Variants in ELAVL3 observed in about 807,000 individuals in gnomAD.
ELAVL3 encodes ELAV-like protein 3.
Under a neutral mutation model 34.2 loss-of-function variants are expected in ELAVL3, and 8 were observed. That is an observed-to-expected ratio of 0.23 (90% confidence interval 0.14 to 0.42). ELAVL3 has a LOEUF of 0.42. Among genes scored for constraint, ELAVL3 ranks in the 10% least tolerant of loss-of-function variants. The pLI is 1.00. For missense variants in ELAVL3, 273 were observed against 518.8 expected (o/e 0.53, Z 4.60); for synonymous variants, 209 against 222.1 (o/e 0.94, Z 0.53).
intron 6 of ELAVL3, among the ~76,000 whole-genome samples, chr19:11,456,379 C>G (rs1970768508): frequency 6.6e-6 from 1 of 152,212 alleles, no homozygotes; most frequent in Admixed American, 6.5e-5. Flanking sequence ...GCTGGGATTA[C>G]AGGCGTGAGC....
chr19:11,471,952 C>T (rs775975182), intron 1 of ELAVL3, among the ~76,000 whole-genome samples: 3 of 152,220 alleles, frequency 2.0e-5, no homozygotes, highest in Non-Finnish European at 4.4e-5. Flanking sequence ...TGGGATTTGA[C>T]TGACCTTATC....
chr19:11,457,983 C>A (rs140725152), intron 5 of ELAVL3, 78 bp downstream of exon 5: 5 of 1,467,368 alleles, frequency 3.4e-6, no homozygotes, highest in Non-Finnish European at 4.7e-6. Flanking sequence ...TCCCTCCCTT[C>A]GGCAGGAATG....
intron 5 of ELAVL3, 51 bp from the exon 6 acceptor site, chr19:11,457,199 GC>G: frequency 2.0e-6 from 3 of 1,525,088 alleles, no homozygotes; most frequent in Non-Finnish European, 2.6e-6. Flanking sequence ...ACGCCCCCCT[GC>G]TGTGACACCG....
chr19:11,451,487 G>GT lies in ELAVL3; in HGVS notation c.*3038dup, dbSNP rs976179986. On this transcript the variant is annotated 3_prime_UTR_variant, in exon 7 of 7. Transcript: ENST00000359227. Reference sequence around the variant, plus strand: ...GGTTTTTTTTTTTTTTTTGTCTTTTGTTTTGTCTTTTTTTTTTTTTTTTTT... The same window carrying GT: ...GGTTTTTTTTTTTTTTTTGTCTTTTGTTTTTGTCTTTTTTTTTTTTTTTTTT... 5 of 84,504 alleles carry GT rather than the reference G, an allele frequency of 5.9e-5. No individual in the cohort carries two copies. Among genetic ancestry groups the GT allele is most frequent in the Admixed American group, 1.1e-4 (1 of 8,900 alleles). The allele number at this position is 84,504 out of a possible 1,614,324, so 5.2% of individuals were successfully genotyped here. A position where few individuals can be genotyped will look rare whatever the true frequency, so the allele number is the denominator to read the frequency against.
chr19:11,477,333 C>T (rs538835135), intron 1 of ELAVL3, among the ~76,000 whole-genome samples: 128 of 152,164 alleles, frequency 8.4e-4, no homozygotes, highest in African/African-American at 2.7e-3. Flanking sequence ...GCTCTGTTGC[C>T]CAGTCTAGAG....
At chr19:11,478,613 T>C (rs1212665868) in intron 1 of ELAVL3, among the ~76,000 whole-genome samples, 1 of 151,916 alleles carries the variant, frequency 6.6e-6, no homozygotes, top group South Asian at 2.1e-4. Context: ...GACTTTTGGT[T>C]TCTCTCTCCC....
At chr19:11,463,627 A>C (rs1037172490) in intron 3 of ELAVL3, among the ~76,000 whole-genome samples, 32 of 152,038 alleles carry the variant, frequency 2.1e-4, no homozygotes, top group African/African-American at 7.3e-4. Context: ...CTGAGGCCCC[A>C]TCAGGTCACA....
At position 11,466,101 on chromosome 19, in the gene ELAVL3, G is replaced by C; in HGVS notation, c.333+71C>G. The C allele has an allele frequency of 1.4e-6, 2 of 1,388,176 alleles. No homozygotes were observed. The highest frequency in any genetic ancestry group is 2.3e-5 in the South Asian group (2 of 85,396). 86.0% of individuals were successfully genotyped at this position (1,388,176 alleles called of 1,614,324 possible). ...GACATGGATGCATGGGGGCGGGTAG[G>C]TGGCAGTAGGGGGTTGGGGACAGTC... On this transcript the variant is annotated intron_variant, in intron 3 of 6. Coordinates refer to ENST00000359227, the MANE Select transcript of ELAVL3 (RefSeq NM_001420.4). This position sits in a 1 kb window ranked among gnomAD's most constrained non-coding sequence, Gnocchi z 5.0.
In ELAVL3 at chr19:11,480,589, G is replaced by A; in HGVS notation, c.9+11C>T. The A allele has an allele frequency of 1.3e-6, 2 of 1,505,956 alleles. No individual in the cohort carries two copies. The highest frequency in any genetic ancestry group is 1.8e-6 in the Non-Finnish European group (2 of 1,127,984). 93.3% of individuals were successfully genotyped at this position (1,505,956 alleles called of 1,614,324 possible). A position where few individuals can be genotyped will look rare whatever the true frequency, so the allele number is the denominator to read the frequency against. On this transcript the variant is annotated intron_variant, in intron 1 of 6. Coordinates refer to ENST00000359227, the MANE Select transcript of ELAVL3 (RefSeq NM_001420.4). This position sits in a 1 kb window ranked among gnomAD's most constrained non-coding sequence, Gnocchi z 6.8. ...GTCCCGATTCCCTTTCGGCGACAGG[G>A]GAATACCTACAGTGACCATTCTTGT... is the stretch of plus-strand genomic sequence containing the variant.
At chr19:11,465,349 TAC>T (rs562267519) in intron 3 of ELAVL3, among the ~76,000 whole-genome samples, 4 of 121,244 alleles carry the variant, frequency 3.3e-5, no homozygotes, top group Non-Finnish European at 5.1e-5. Context: ...CACACATGCG[TAC>T]ACACACACAT....
rs950219682 is a variant in ELAVL3 at position 11,480,475 on chromosome 19, C to T, written c.9+125G>A. On this transcript the variant is annotated intron_variant, in intron 1 of 6. Coordinates refer to ENST00000359227, the MANE Select transcript of ELAVL3 (RefSeq NM_001420.4). The surrounding 1 kb of genome is among the most constrained non-coding windows in gnomAD (Gnocchi z 6.8). The stretch of plus-strand genomic sequence containing the variant: ...TCTCAGGCCCCGAGGCTTGGTCCTA[C>T]CCCCCCAACCCGGGCCTAGCTAGGC... The T allele has an allele frequency of 8.3e-6, 9 of 1,080,688 alleles. No individual in the cohort carries two copies. Among genetic ancestry groups the T allele is most frequent in the South Asian group, 2.3e-5 (1 of 43,902 alleles). The allele number at this position is 1,080,688 out of a possible 1,614,324, so 66.9% of individuals were successfully genotyped here.
chr19:11,459,712 CTATTTT>C (rs1245652832), intron 3 of ELAVL3, among the ~76,000 whole-genome samples: 4 of 152,108 alleles, frequency 2.6e-5, no homozygotes, highest in African/African-American at 9.7e-5. Flanking sequence ...CATGCCTGGC[CTATTTT>C]TATTTTATTG....
At chr19:11,460,595 A>T (rs1235138681) in intron 3 of ELAVL3, among the ~76,000 whole-genome samples, 2 of 151,446 alleles carry the variant, frequency 1.3e-5, no homozygotes, top group Non-Finnish European at 2.9e-5. Flanking sequence ...TTTCCCAAAC[A>T]CACCAGGCAT....
chr19:11,454,517 G>T lies in ELAVL3; in HGVS notation c.*9C>A. On this transcript the variant is annotated 3_prime_UTR_variant, in exon 7 of 7. Transcript: ENST00000359227. This position sits in a 1 kb window ranked among gnomAD's most constrained non-coding sequence, Gnocchi z 9.2. ...CCGGGGAGGGGGTGGGAGGGCAGGC[G>T]GGGTGGGCTCACGCCTTGTGCTGTT... is the stretch of plus-strand genomic sequence containing the variant. 6.3e-7 allele frequency: 1 copy of T among 1,582,380 alleles called. No individual in the cohort carries two copies. Among genetic ancestry groups the T allele is most frequent in the South Asian group, 1.1e-5 (1 of 87,624 alleles).
At chr19:11,479,446 G>T (rs899897635) in intron 1 of ELAVL3, among the ~76,000 whole-genome samples, 1 of 152,164 alleles carries the variant, frequency 6.6e-6, no homozygotes, top group Non-Finnish European at 1.5e-5. Context: ...ACGCAGAGAC[G>T]GAGAGATAGG....
chr19:11,458,368 C>T lies in ELAVL3; in HGVS notation c.488-82G>A. On this transcript the variant is annotated intron_variant, in intron 4 of 6. Transcript: ENST00000359227. This position sits in a 1 kb window ranked among gnomAD's most constrained non-coding sequence, Gnocchi z 7.3. ...ACTTCTCCCTTCCCTGCTTCATGCC[C>T]TGGCATCTTGGTCGGTTTCCCCACG... is the stretch of plus-strand genomic sequence containing the variant. 3 of 1,606,202 alleles carry T rather than the reference C, an allele frequency of 1.9e-6. No individual in the cohort carries two copies. Among genetic ancestry groups the T allele is most frequent in the Non-Finnish European group, 2.6e-6 (3 of 1,175,540 alleles).
chr19:11,452,764 T>C lies in ELAVL3; in HGVS notation c.*1762A>G, dbSNP rs1237223446. ...GGGGTTTTGCAATTCTCAGTTCCGA[T>C]GGGGCCGCTGAGTGGGGTGGGGAGC... On this transcript the variant is annotated 3_prime_UTR_variant, in exon 7 of 7. Coordinates refer to ENST00000359227, the MANE Select transcript of ELAVL3 (RefSeq NM_001420.4). 2.6e-5 allele frequency: 4 copies of C among 151,284 alleles called. No homozygotes were observed. The highest frequency in any genetic ancestry group is 7.3e-5 in the African/African-American group (3 of 41,106). 9.4% of individuals were successfully genotyped at this position (151,284 alleles called of 1,614,324 possible).
chr19:11,462,757 G>A (rs891039023), intron 3 of ELAVL3, among the ~76,000 whole-genome samples: 2 of 151,280 alleles, frequency 1.3e-5, no homozygotes, highest in African/African-American at 2.4e-5. Context: ...TTGGGAGTTC[G>A]AGACCAGCCT....
intron 3 of ELAVL3, among the ~76,000 whole-genome samples, chr19:11,460,216 T>C (rs1480818541): frequency 6.6e-6 from 1 of 152,114 alleles, no homozygotes; most frequent in Non-Finnish European, 1.5e-5. Context: ...CTAAATCCTG[T>C]AGGCTCTACC....
Sources: gnomAD v4.1 joint callset for allele counts (sites outside exome capture counted in the v4.1 genomes callset) on GRCh38, gnomAD v4.1.1 for gene constraint, Gnocchi (gnomAD v3.1) non-coding constraint, MANE v1.5 for transcripts, NCBI Gene and HGNC (gene_info 2026-07-23, HGNC 2026-07-21) for gene names.